KIFAP3: variants seen among roughly 807,000 people sequenced by gnomAD.
KIFAP3 encodes kinesin associated protein 3, also known as kinesin-associated protein 3.
In KIFAP3, 68 loss-of-function variants were observed where a neutral mutation model predicts 106.5. That is an observed-to-expected ratio of 0.64 (90% confidence interval 0.53 to 0.78). The LOEUF (loss-of-function observed/expected upper bound fraction) is 0.78. KIFAP3 is among the 30% of genes least tolerant of loss of function. The pLI is 0.00. For synonymous variants in KIFAP3, 320 were observed against 311.5 expected (o/e 1.03, Z -0.29); for missense variants, 780 against 941.8 (o/e 0.83, Z 2.25).
chr1:169,922,620 C>T (rs1019345475), intron 19 of KIFAP3, among the ~76,000 whole-genome samples: 3 of 152,058 alleles, frequency 2.0e-5, no homozygotes, highest in Non-Finnish European at 4.4e-5. Context: ...GGGAATTATC[C>T]AACACTTAGG....
At chr1:170,052,725 G>A (rs574433263) in intron 2 of KIFAP3, among the ~76,000 whole-genome samples, 1 of 152,246 alleles carries the variant, frequency 6.6e-6, no homozygotes, top group South Asian at 2.1e-4. Flanking sequence ...CACATAAACA[G>A]AACCAAGGAC....
chr1:169,928,444 T>A (rs1484057358), intron 19 of KIFAP3, among the ~76,000 whole-genome samples: 1 of 151,992 alleles, frequency 6.6e-6, no homozygotes, highest in Non-Finnish European at 1.5e-5. Context: ...ATGCTGTTGC[T>A]TATGCCTAAA....
chr1:169,962,339 TG>T (rs1391704152), intron 17 of KIFAP3, among the ~76,000 whole-genome samples: 1 of 152,194 alleles, frequency 6.6e-6, no homozygotes, highest in African/African-American at 2.4e-5. Flanking sequence ...GGCAAATTAC[TG>T]TAAGCTACAG....
At chr1:170,021,434 GT>G (rs746455008) in intron 9 of KIFAP3, among the ~76,000 whole-genome samples, 3,104 of 113,794 alleles carry the variant, frequency 0.027, 19 homozygotes, top group East Asian at 0.1. Flanking sequence ...TTGTTATTAA[GT>G]TTTTTTTTTT....
intron 10 of KIFAP3, among the ~76,000 whole-genome samples, chr1:170,005,991 C>T (rs1350268871): frequency 6.6e-6 from 1 of 152,154 alleles, no homozygotes; most frequent in African/African-American, 2.4e-5. Context: ...CCTTCCTTTT[C>T]TCCCTCCTTA....
chr1:170,038,676 A>G (rs904511744), intron 4 of KIFAP3, among the ~76,000 whole-genome samples: 1 of 152,258 alleles, frequency 6.6e-6, no homozygotes, highest in Non-Finnish European at 1.5e-5. Context: ...AAAGTATCTT[A>G]AATGTAATAG....
At chr1:169,958,739 G>A (rs562172938) in intron 18 of KIFAP3, among the ~76,000 whole-genome samples, 7 of 152,180 alleles carry the variant, frequency 4.6e-5, no homozygotes, top group Admixed American at 2.6e-4. Flanking sequence ...ATATGTAGTA[G>A]CAATACGGCT....
chr1:170,051,384 C>T (rs962620694), intron 2 of KIFAP3, among the ~76,000 whole-genome samples: 8 of 152,058 alleles, frequency 5.3e-5, no homozygotes, highest in Non-Finnish European at 1.2e-4. Context: ...GATTCCCACA[C>T]AATAATAGTG....
intron 6 of KIFAP3, 40 bp from the exon 7 acceptor site, chr1:170,034,536 A>C (rs756715925): frequency 3.5e-6 from 4 of 1,134,598 alleles, no homozygotes; most frequent in African/African-American, 1.6e-5. Context: ...AAAAGAATAC[A>C]TTTTATGGGT....
At position 169,982,668 on chromosome 1, in the gene KIFAP3, G is replaced by T. The variant is rs1170904324; in HGVS notation, c.1672+34C>A. ...ATCCATAACAGAAAGAAATAACTTA[G>T]TGATTATACAAAAGTGAAATACTTA... On this transcript the variant is annotated intron_variant, in intron 14 of 19. Transcript: ENST00000361580. The T allele has an allele frequency of 3.6e-6, 5 of 1,405,758 alleles. No homozygotes were observed. In the African/African-American group the frequency reaches 5.8e-5, roughly 16 times the overall value. The allele number at this position is 1,405,758 out of a possible 1,614,324, so 87.1% of individuals were successfully genotyped here. A position where few individuals can be genotyped will look rare whatever the true frequency, so the allele number is the denominator to read the frequency against.
chr1:169,958,747 G>T (rs1665164482), intron 18 of KIFAP3, among the ~76,000 whole-genome samples: 1 of 152,064 alleles, frequency 6.6e-6, no homozygotes, highest in South Asian at 2.1e-4. Context: ...TAGCAATACG[G>T]CTTTATAAAT....
chr1:170,057,556 A>C (rs1263907047), intron 1 of KIFAP3, among the ~76,000 whole-genome samples: 1 of 151,742 alleles, frequency 6.6e-6, no homozygotes, highest in Non-Finnish European at 1.5e-5. Context: ...TTTTCTATCT[A>C]TACTAAATAA....
intron 10 of KIFAP3, among the ~76,000 whole-genome samples, chr1:170,001,402 GCTT>G (rs1386157345): frequency 6.6e-6 from 1 of 152,076 alleles, no homozygotes; most frequent in Non-Finnish European, 1.5e-5. Flanking sequence ...AAGAAAAAAG[GCTT>G]CTTGATTTAA....
At chr1:170,028,361 C>T (rs948059596) in intron 8 of KIFAP3, among the ~76,000 whole-genome samples, 5 of 151,792 alleles carry the variant, frequency 3.3e-5, no homozygotes, top group African/African-American at 4.8e-5. Flanking sequence ...TTTTCTGAGA[C>T]GGAGTCTCGC....
intron 2 of KIFAP3, among the ~76,000 whole-genome samples, chr1:170,052,885 C>T (rs1670647352): frequency 2.0e-5 from 3 of 152,118 alleles, no homozygotes; most frequent in African/African-American, 7.2e-5. Flanking sequence ...TAGCCAATAC[C>T]ATATTGAATG....
chr1:170,045,017 T>C (rs1195216261), intron 3 of KIFAP3, among the ~76,000 whole-genome samples: 1 of 152,260 alleles, frequency 6.6e-6, no homozygotes, highest in Non-Finnish European at 1.5e-5. Context: ...TCTTATTTTA[T>C]GGCAATATAG....
intron 10 of KIFAP3, among the ~76,000 whole-genome samples, chr1:170,007,064 T>C (rs1485385837): frequency 1.3e-5 from 2 of 151,926 alleles, no homozygotes; most frequent in African/African-American, 4.8e-5. Context: ...ATGGAAAAAG[T>C]TAAAGAAGGA....
chr1:170,026,971 AAAAAAGTCCACCTACAAC>A (rs1341391403), intron 8 of KIFAP3, among the ~76,000 whole-genome samples: 2 of 152,058 alleles, frequency 1.3e-5, no homozygotes, highest in Non-Finnish European at 2.9e-5. Context: ...TTTTAGGAAT[AAAAAAGTCCACCTACAAC>A]AATGTAAATT....
In KIFAP3 at chr1:169,983,317, T is replaced by C. The variant is rs756385096; in HGVS notation, c.1459A>G (p.Ile487Val). ...CCATCATGCTGAGAAATGTTTCTAA[T>C]CATTTTCATCAGCAATGGATCCTTA... is the stretch of plus-strand genomic sequence containing the variant. ...KFKDPLLMKMIRNISQHDGPT... is the reference protein window; with the variant it reads ...KFKDPLLMKMVRNISQHDGPT... Residue 487 changes from isoleucine to valine, a missense_variant, in exon 13 of 20, where the codon ATT becomes GTT. Coordinates refer to ENST00000361580, the MANE Select transcript of KIFAP3 (RefSeq NM_014970.4). 2 of 1,609,338 alleles carry C rather than the reference T, an allele frequency of 1.2e-6. No homozygotes were observed. Among genetic ancestry groups the C allele is most frequent in the Non-Finnish European group, 1.7e-6 (2 of 1,177,554 alleles).
Sources: gnomAD v4.1 joint callset for allele counts (sites outside exome capture counted in the v4.1 genomes callset) on GRCh38, gnomAD v4.1.1 for gene constraint, MANE v1.5 for transcripts, NCBI Gene and HGNC (gene_info 2026-07-23, HGNC 2026-07-21) for gene names.